The following ARHGEF3 variants were observed in gnomAD, a reference collection of about 807,000 sequenced individuals.
ARHGEF3 encodes 59.8 kDA protein.
ARHGEF3 carries 28 observed loss-of-function variants against 63.2 expected under a neutral mutation model. That is an observed-to-expected ratio of 0.44 (90% CI 0.33 to 0.61). ARHGEF3 has a LOEUF of 0.61. Ranked by LOEUF, ARHGEF3 falls within the 20% of genes least tolerant of loss-of-function variation. The pLI, the probability that ARHGEF3 is intolerant of heterozygous loss-of-function variation, is 0.03. For synonymous variants in ARHGEF3, 266 were observed against 254.2 expected, an observed-to-expected ratio of 1.05 and a Z score of -0.44; for missense variants, 533 against 659.3, an observed-to-expected ratio of 0.81 and a Z score of 2.10.
At chr3:56,894,397 T>C (rs2108290876) in intron 3 of ARHGEF3, among the ~76,000 whole-genome samples, 1 of 152,336 alleles carries the variant, frequency 6.6e-6, no homozygotes, top group South Asian at 2.1e-4. Flanking sequence ...TATCCTACTG[T>C]TCCTGTGTTT....
chr3:57,004,498 C>T (rs2107058349), intron 2 of ARHGEF3, among the ~76,000 whole-genome samples: 1 of 152,302 alleles, frequency 6.6e-6, no homozygotes, highest in Non-Finnish European at 1.5e-5. Context: ...TCTGTCTGGC[C>T]AAGGCCAGGC....
At chr3:56,788,264 C>T (rs1326922886) in intron 1 of ARHGEF3, among the ~76,000 whole-genome samples, 1 of 152,136 alleles carries the variant, frequency 6.6e-6, no homozygotes, top group African/African-American at 2.4e-5. Context: ...CAGTATTCCC[C>T]CTCCATAGTC....
chr3:56,905,162 T>C (rs977129451), intron 3 of ARHGEF3, among the ~76,000 whole-genome samples: 2 of 152,216 alleles, frequency 1.3e-5, no homozygotes, highest in African/African-American at 4.8e-5. Flanking sequence ...GTTTTCTCTT[T>C]TTATTTTTTA....
intron 3 of ARHGEF3, among the ~76,000 whole-genome samples, chr3:56,941,540 G>A (rs1352195268): frequency 2.0e-5 from 3 of 152,200 alleles, no homozygotes; most frequent in Non-Finnish European, 4.4e-5. Context: ...ACCCCGATGT[G>A]TTCTAAGACC....
At chr3:56,949,682 T>C (rs1412403853) in intron 3 of ARHGEF3, among the ~76,000 whole-genome samples, 4 of 152,004 alleles carry the variant, frequency 2.6e-5, no homozygotes, top group African/African-American at 9.7e-5. Context: ...GAAGAATCAA[T>C]ATCGTGAAAA....
intron 8 of ARHGEF3, among the ~76,000 whole-genome samples, chr3:56,733,921 T>G (rs906987973): frequency 1.4e-5 from 2 of 145,682 alleles, no homozygotes; most frequent in Non-Finnish European, 3.0e-5. Context: ...GAGGTGGAGG[T>G]TGCAGTGAGC....
chr3:56,752,336 G>A (rs969109015), intron 4 of ARHGEF3, among the ~76,000 whole-genome samples: 4 of 152,208 alleles, frequency 2.6e-5, no homozygotes, highest in Non-Finnish European at 4.4e-5. Context: ...GGGATTATAG[G>A]TGTGAGCCAC....
Position 57,049,302 on chromosome 3 carries a change from G to A in ARHGEF3, c.-27-14126C>T, listed in dbSNP as rs184927798. The stretch of plus-strand genomic sequence containing the variant: ...GAGGACTGCTTGAACCCAGGAGTCC[G>A]AGGTTGCCGTAGGCTATGATTGGGC... On this transcript the variant is annotated intron_variant, in intron 1 of 12. Coordinates refer to the ARHGEF3 transcript ENST00000338458. Among the ~76,000 whole-genome samples the A allele has an allele frequency of 1.2e-3, 181 of 152,294 alleles. 1 individual carries two copies. The highest frequency in any genetic ancestry group is 2.3e-3 in the Non-Finnish European group (155 of 68,026).
At chr3:56,853,185 T>C (rs1038765217) in intron 4 of ARHGEF3, among the ~76,000 whole-genome samples, 6 of 149,384 alleles carry the variant, frequency 4.0e-5, no homozygotes, top group African/African-American at 1.5e-4. Context: ...AGGACATGCA[T>C]TGTTAAAGAA....
At chr3:56,757,306 C>T (rs1487736537) in intron 2 of ARHGEF3, among the ~76,000 whole-genome samples, 1 of 152,102 alleles carries the variant, frequency 6.6e-6, no homozygotes, top group Non-Finnish European at 1.5e-5. Flanking sequence ...AACCCCGTCT[C>T]TACTAAAAGT....
At chr3:56,785,619 G>A (rs761349103) in intron 1 of ARHGEF3, among the ~76,000 whole-genome samples, 8 of 152,158 alleles carry the variant, frequency 5.3e-5, no homozygotes, top group Non-Finnish European at 7.4e-5. Flanking sequence ...TCCATCTGTC[G>A]TTCTTTGAAG....
intron 1 of ARHGEF3, among the ~76,000 whole-genome samples, chr3:57,067,454 AAAT>A (rs10528636): frequency 0.14 from 20,158 of 140,338 alleles, 1,739 homozygotes; most frequent in South Asian, 0.19. Flanking sequence ...CTCTGTCTCA[AAAT>A]AATAATAATA....
chr3:56,772,402 C>T (rs2036055467), intron 2 of ARHGEF3, among the ~76,000 whole-genome samples: 1 of 152,196 alleles, frequency 6.6e-6, no homozygotes, highest in African/African-American at 2.4e-5. Context: ...ATTTTCACAG[C>T]ATGAGGCATG....
chr3:56,830,613 G>A (rs1294252737), intron 4 of ARHGEF3, among the ~76,000 whole-genome samples: 1 of 152,122 alleles, frequency 6.6e-6, no homozygotes, highest in Non-Finnish European at 1.5e-5. Flanking sequence ...GGCTTCCACT[G>A]CACAAATCCC....
chr3:56,867,421 G>A (rs1242995774), intron 4 of ARHGEF3, among the ~76,000 whole-genome samples: 1 of 152,104 alleles, frequency 6.6e-6, no homozygotes, highest in East Asian at 1.9e-4. Context: ...AATAAAGTCA[G>A]ATAAGAAGAG....
chr3:57,006,326 A>G (rs1702465331), intron 2 of ARHGEF3, among the ~76,000 whole-genome samples: 1 of 152,150 alleles, frequency 6.6e-6, no homozygotes, highest in African/African-American at 2.4e-5. Flanking sequence ...GTATCTGGAG[A>G]ACCACTACAC....
intron 1 of ARHGEF3, chr3:57,074,222 C>T (rs1354801686): frequency 1.2e-5 from 19 of 1,613,928 alleles, no homozygotes; most frequent in Non-Finnish European, 1.5e-5. Context: ...TTGTCAGGTC[C>T]CTCTCTACAG....
chr3:56,855,033 C>T (rs78561280), intron 4 of ARHGEF3, among the ~76,000 whole-genome samples: 16,531 of 152,060 alleles, frequency 0.11, 1,002 homozygotes, highest in Non-Finnish European at 0.13. Context: ...TAGATATGGC[C>T]ATGGCAAGAC....
intron 3 of ARHGEF3, among the ~76,000 whole-genome samples, chr3:56,753,901 G>T (rs956167941): frequency 6.6e-6 from 1 of 152,164 alleles, no homozygotes. Context: ...TGGTACCCTT[G>T]TTGTGAGAGG....
Sources: allele counts gnomAD v4.1 joint callset (sites outside exome capture counted in the v4.1 genomes callset), GRCh38; gene constraint gnomAD v4.1.1; transcripts MANE v1.5; gene names NCBI Gene and HGNC (gene_info 2026-07-23, HGNC 2026-07-21).